The following ABCD3 variants were observed in gnomAD, a reference collection of about 807,000 sequenced individuals.
ABCD3 encodes the protein ATP binding cassette subfamily D member 3.
A neutral mutation model predicts 105.5 loss-of-function variants in ABCD3; 41 were observed. The observed-to-expected ratio is 0.39, with a 90% CI of 0.30 to 0.50. The LOEUF (loss-of-function observed/expected upper bound fraction) is 0.50. Among genes scored for constraint, ABCD3 ranks in the 20% least tolerant of loss-of-function variants. ABCD3 has a pLI of 0.84. For synonymous variants in ABCD3, 258 were observed against 269.0 expected (o/e 0.96, Z 0.40); for missense variants, 622 against 806.3 (o/e 0.77, Z 2.77).
At chr1:94,448,416 C>T (rs1352858687) in intron 1 of ABCD3, among the ~76,000 whole-genome samples, 1 of 152,336 alleles carries the variant, frequency 6.6e-6, no homozygotes, top group Non-Finnish European at 1.5e-5. Flanking sequence ...CCTAGAATAA[C>T]TAAATTTAAA....
intron 4 of ABCD3, among the ~76,000 whole-genome samples, chr1:94,471,499 C>CAA (rs76947633): frequency 1.3e-4 from 10 of 78,070 alleles, no homozygotes; most frequent in Admixed American, 2.6e-4. Flanking sequence ...TCCTGTCTCA[C>CAA]AAAAAAAAAA....
chr1:94,514,970 G>A, intron 21 of ABCD3, 176 bp from the exon 22 acceptor site: 1 of 589,938 alleles, frequency 1.7e-6, no homozygotes, highest in Admixed American at 2.9e-5. Context: ...TGTGGTTGAT[G>A]GCCAGTACTT....
chr1:94,426,816 A>T (rs900886860), intron 1 of ABCD3, among the ~76,000 whole-genome samples: 1 of 147,100 alleles, frequency 6.8e-6, no homozygotes, highest in African/African-American at 2.5e-5. Flanking sequence ...AAGTGCTGGG[A>T]TTACAGGTGA....
At chr1:94,488,512 G>A (rs1649377592) in intron 13 of ABCD3, among the ~76,000 whole-genome samples, 1 of 151,930 alleles carries the variant, frequency 6.6e-6, no homozygotes, top group East Asian at 1.9e-4. Context: ...TAAGATTTCA[G>A]TATTTCAATC....
chr1:94,423,081 G>C (rs1388647283), intron 1 of ABCD3, among the ~76,000 whole-genome samples: 1 of 152,056 alleles, frequency 6.6e-6, no homozygotes, highest in East Asian at 1.9e-4. Flanking sequence ...CTTTGAACAG[G>C]CCACACTCAT....
At position 94,456,080 on chromosome 1, in the gene ABCD3, A is replaced by G. The variant is rs374727710; in HGVS notation, c.111-2527A>G. Reference sequence around the variant, plus strand: ...TGTACCTTTTGACCAACTTTTCCCCATTTCCCCCAACCCCTGAGCCCCTGA... The same window carrying G: ...TGTACCTTTTGACCAACTTTTCCCCGTTTCCCCCAACCCCTGAGCCCCTGA... On this transcript the variant is annotated intron_variant, in intron 1 of 22. Transcript: ENST00000370214. Among the ~76,000 whole-genome samples, 3 of 151,218 alleles carry G rather than the reference A, an allele frequency of 2.0e-5. No individual in the cohort carries two copies. In the East Asian group the frequency reaches 5.9e-4, roughly 30 times the overall value.
At chr1:94,398,317 A>G in the ABCD3 span, among the ~76,000 whole-genome samples, 1 of 152,142 alleles carries the variant, frequency 6.6e-6, no homozygotes, top group East Asian at 1.9e-4. Context: ...GGGAAACATG[A>G]CTTGCATTAT....
chr1:94,444,885 C>T (rs1349524012), intron 1 of ABCD3, among the ~76,000 whole-genome samples: 8 of 152,310 alleles, frequency 5.3e-5, no homozygotes, highest in South Asian at 2.1e-4. Flanking sequence ...GCAATGGCCA[C>T]GATGCCCATG....
intron 1 of ABCD3, among the ~76,000 whole-genome samples, chr1:94,431,025 G>A (rs893759852): frequency 3.3e-5 from 5 of 151,994 alleles, no homozygotes; most frequent in Non-Finnish European, 7.4e-5. Context: ...CTGAAATTTG[G>A]ATGCAACTTA....
chr1:94,417,981 G>C (rs193169943), upstream of ABCD3, among the ~76,000 whole-genome samples: 60 of 152,274 alleles, frequency 3.9e-4, no homozygotes, highest in South Asian at 1.0e-3. Context: ...GCTCTGTGAC[G>C]GGGCCGTCCG....
chr1:94,483,196 A>G lies in ABCD3; in HGVS notation c.854A>G (p.Asn285Ser). The change falls in exon 10 of 23, where the codon AAT (asparagine) becomes AGT (serine). Residue 285 changes from asparagine (N) to serine (S), a missense_variant. Physicochemically the swap from Asn to Ser is conservative, Grantham distance 46. Around this residue, in one of 4 missense-constraint regions of ABCD3, gnomAD observed 245 missense variants for 356.4 expected, o/e 0.69. Transcript: ENST00000370214. ...GAAGAAATTGCCTTTTACAATGGGAATAAAAGAGAAAAGCAGACAGTCCAC... is the reference window on the plus strand; with the variant it reads ...GAAGAAATTGCCTTTTACAATGGGAGTAAAAGAGAAAAGCAGACAGTCCAC... ...NSEEIAFYNG[N>S]KREKQTVHSV... The G allele has an allele frequency of 6.2e-7, 1 of 1,612,172 alleles. No individual in the cohort carries two copies. The highest frequency in any genetic ancestry group is 8.5e-7 in the Non-Finnish European group (1 of 1,178,276).
chr1:94,405,683 C>T, the ABCD3 span, among the ~76,000 whole-genome samples: 3 of 152,128 alleles, frequency 2.0e-5, no homozygotes, highest in African/African-American at 4.8e-5. Flanking sequence ...TTATTAGGAG[C>T]GATGTTGAAC....
chr1:94,509,438 C>A (rs1650543880), intron 21 of ABCD3, among the ~76,000 whole-genome samples: 1 of 152,128 alleles, frequency 6.6e-6, no homozygotes, highest in African/African-American at 2.4e-5. Context: ...GGATATTGGT[C>A]TAAAATTCTC....
chr1:94,516,219 A>G (rs999173294), intron 22 of ABCD3, among the ~76,000 whole-genome samples: 2 of 151,980 alleles, frequency 1.3e-5, no homozygotes, highest in African/African-American at 4.8e-5. Context: ...TAATGAAGTT[A>G]TTGAGCCTTA....
At chr1:94,486,801 G>A (rs536372284) in intron 10 of ABCD3, among the ~76,000 whole-genome samples, 46 of 152,336 alleles carry the variant, frequency 3.0e-4, no homozygotes, top group African/African-American at 1.0e-3. Flanking sequence ...AGTGAGAAGA[G>A]CAAGAGGAAA....
At chr1:94,512,083 T>A (rs1557694432) in intron 21 of ABCD3, among the ~76,000 whole-genome samples, 1 of 152,136 alleles carries the variant, frequency 6.6e-6, no homozygotes, top group Admixed American at 6.6e-5. Context: ...TTTTAGAGTT[T>A]CCAGTTTTTC....
At chr1:94,469,596 A>C (rs1255758772) in intron 4 of ABCD3, among the ~76,000 whole-genome samples, 1 of 145,962 alleles carries the variant, frequency 6.9e-6, no homozygotes, top group Non-Finnish European at 1.5e-5. Context: ...ACACCAACTA[A>C]TCTATCAACT....
chr1:94,487,739 T>C lies in ABCD3; in HGVS notation c.1013T>C (p.Leu338Ser), dbSNP rs775659549. 38 of 1,613,974 alleles carry C rather than the reference T, an allele frequency of 2.4e-5. No individual in the cohort carries two copies. Among genetic ancestry groups the C allele is most frequent in the Non-Finnish European group, 3.1e-5 (37 of 1,179,988 alleles). Residue 338 changes from leucine (L) to serine (S), a missense_variant, in exon 12 of 23, where the codon TTA becomes TCA. Leu to Ser is a moderately radical substitution (Grantham distance 145). Around this residue, in one of 4 missense-constraint regions of ABCD3, gnomAD observed 245 missense variants for 356.4 expected, o/e 0.69. Coordinates refer to ENST00000370214, the MANE Select transcript of ABCD3 (RefSeq NM_002858.4). ...TACCTAGTTGTCAGTCGCCCTTTCT[T>C]AGATTTGTCTCATCCTCGACATCTC... ...VGYLVVSRPFLDLSHPRHLKS... is the reference protein window; with the variant it reads ...VGYLVVSRPFSDLSHPRHLKS...
intron 21 of ABCD3, chr1:94,514,860 CAT>C: frequency 2.7e-6 from 1 of 368,346 alleles, no homozygotes. Context: ...ATATTCCTCT[CAT>C]ATATTTTTCA....
Sources: allele counts gnomAD v4.1 joint callset (sites outside exome capture counted in the v4.1 genomes callset), GRCh38; gene constraint gnomAD v4.1.1; regional missense constraint gnomAD v4.1.1; transcripts MANE v1.5; gene names NCBI Gene and HGNC (gene_info 2026-07-23, HGNC 2026-07-21).